GMDS: variants seen among roughly 807,000 people sequenced by gnomAD.
The protein encoded by GMDS is GDP-mannose 4,6-dehydratase.
Under a neutral mutation model 49.9 loss-of-function variants are expected in GMDS, and 20 were observed. That is an observed-to-expected ratio of 0.40 (90% CI 0.28 to 0.58). The LOEUF is 0.58. GMDS is among the 20% of genes least tolerant of loss of function. GMDS has a pLI of 0.42. For missense variants in GMDS, 362 were observed against 481.4 expected (o/e 0.75, Z 2.32); for synonymous variants, 177 against 178.6 (o/e 0.99, Z 0.07).
Position 1,633,856 on chromosome 6 carries a change from G to A in GMDS, c.988-9316C>T, listed in dbSNP as rs967261758. Among the ~76,000 whole-genome samples the A allele has an allele frequency of 3.9e-5, 6 of 152,230 alleles. No homozygotes were observed. The East Asian group carries it at 1.2e-3, about 29-fold the overall frequency. ...TCCCAGCAAAGCCACGTGGTCACAA[G>A]GCTCTGCTGTCTGGTCACAGTGACT... On this transcript the variant is annotated intron_variant, in intron 9 of 10. Coordinates refer to ENST00000380815, the MANE Select transcript of GMDS (RefSeq NM_001500.4).
At chr6:2,058,134 G>A (rs776514060) in intron 4 of GMDS, among the ~76,000 whole-genome samples, 6 of 152,192 alleles carry the variant, frequency 3.9e-5, no homozygotes, top group Non-Finnish European at 8.8e-5. Flanking sequence ...CAAGGCAGGC[G>A]GATCACTTGA....
intron 7 of GMDS, among the ~76,000 whole-genome samples, chr6:1,783,112 G>A (rs574975961): frequency 7.9e-5 from 12 of 152,302 alleles, no homozygotes; most frequent in African/African-American, 1.9e-4. Context: ...CAGAGATCAC[G>A]CCACTGCACT....
At chr6:2,130,818 T>A (rs28371143) in intron 1 of GMDS, among the ~76,000 whole-genome samples, 3 of 133,100 alleles carry the variant, frequency 2.3e-5, no homozygotes, top group East Asian at 2.6e-4. Flanking sequence ...AAGATTAATT[T>A]AAAAAAAAAT....
chr6:2,242,015 T>C (rs1378076966), intron 1 of GMDS, among the ~76,000 whole-genome samples: 3 of 152,120 alleles, frequency 2.0e-5, no homozygotes, highest in Non-Finnish European at 2.9e-5. Flanking sequence ...AGGCTGAAAA[T>C]GAGATTTCTA....
At position 1,833,126 on chromosome 6, in the gene GMDS, CTTTTTTTT is replaced by C. The variant is rs34633662; in HGVS notation, c.772-90548_772-90541del. Among the ~76,000 whole-genome samples the C allele has an allele frequency of 2.4e-5, 3 of 123,392 alleles. No homozygotes were observed. Among genetic ancestry groups the C allele is most frequent in the Non-Finnish European group, 5.0e-5 (3 of 59,580 alleles). The allele number at this position is 123,392 out of a possible 152,430, so 80.9% of individuals were successfully genotyped here. On this transcript the variant is annotated intron_variant, in intron 7 of 10. Coordinates refer to ENST00000380815, the MANE Select transcript of GMDS (RefSeq NM_001500.4). This position sits in a 1 kb window ranked among gnomAD's most constrained non-coding sequence, Gnocchi z 4.4. Reference sequence around the variant, plus strand: ...ACCCGGCAGTGGAGCGTATGAAAGCCTTTTTTTTTTTTTTTTTTTTTTTAAACTAATGC... The same window carrying C: ...ACCCGGCAGTGGAGCGTATGAAAGCCTTTTTTTTTTTTTTTAAACTAATGC...
intron 1 of GMDS, among the ~76,000 whole-genome samples, chr6:2,190,088 C>T (rs922143798): frequency 4.6e-5 from 7 of 152,072 alleles, no homozygotes; most frequent in South Asian, 2.1e-4. Context: ...GCTCAGCCAA[C>T]GGAAAACATT....
At chr6:1,942,369 T>C (rs1448646702) in intron 6 of GMDS, among the ~76,000 whole-genome samples, 1 of 152,180 alleles carries the variant, frequency 6.6e-6, no homozygotes, top group South Asian at 2.1e-4. Flanking sequence ...CCCCAAAGCA[T>C]GCTTTGGTGC....
At chr6:1,728,951 A>G (rs183145249) in intron 8 of GMDS, among the ~76,000 whole-genome samples, 1 of 151,802 alleles carries the variant, frequency 6.6e-6, no homozygotes, top group African/African-American at 2.4e-5. Flanking sequence ...ACAGTAAAAA[A>G]AAAAAACAAA....
chr6:1,695,350 A>C (rs1765302459), intron 9 of GMDS, among the ~76,000 whole-genome samples: 1 of 152,242 alleles, frequency 6.6e-6, no homozygotes, highest in Non-Finnish European at 1.5e-5. Context: ...ATGAAATTCA[A>C]CTACCTTTGA....
intron 7 of GMDS, among the ~76,000 whole-genome samples, chr6:1,795,207 A>G (rs1386021951): frequency 6.6e-6 from 1 of 152,106 alleles, no homozygotes; most frequent in Non-Finnish European, 1.5e-5. Flanking sequence ...CTCAAAAATA[A>G]TAACAATCAT....
Position 1,844,589 on chromosome 6 carries a change from T to C in GMDS, c.771+85514A>G, listed in dbSNP as rs533560512. Among the ~76,000 whole-genome samples the C allele has an allele frequency of 1.4e-4, 22 of 152,304 alleles. No individual in the cohort carries two copies. The South Asian group carries it at 4.3e-3, about 30-fold the overall frequency. On this transcript the variant is annotated intron_variant, in intron 7 of 10. Coordinates refer to ENST00000380815, the MANE Select transcript of GMDS (RefSeq NM_001500.4). ...ATTATCTGAGAAAATATTTCAAAAC[T>C]TTGTAACAAGAAACATTAACAACCT...
intron 4 of GMDS, among the ~76,000 whole-genome samples, chr6:2,015,227 G>T (rs1431800149): frequency 6.6e-6 from 1 of 152,090 alleles, no homozygotes; most frequent in Non-Finnish European, 1.5e-5. Flanking sequence ...GATATTTACT[G>T]ATTACTTCAG....
At chr6:1,764,115 T>C (rs1768261077) in intron 7 of GMDS, among the ~76,000 whole-genome samples, 1 of 152,108 alleles carries the variant, frequency 6.6e-6, no homozygotes, top group African/African-American at 2.4e-5. Context: ...GCTGTTTGTT[T>C]GAAATGATTT....
chr6:2,195,766 G>C (rs1281037386), intron 1 of GMDS, among the ~76,000 whole-genome samples: 1 of 149,732 alleles, frequency 6.7e-6, no homozygotes, highest in East Asian at 1.9e-4. Flanking sequence ...AGGCTGGCTT[G>C]ATACCAGGAG....
chr6:1,939,852 A>G (rs1467649336), intron 6 of GMDS, among the ~76,000 whole-genome samples: 2 of 152,222 alleles, frequency 1.3e-5, no homozygotes, highest in Non-Finnish European at 2.9e-5. Context: ...TTACTTCAAT[A>G]GAGATTTATT....
At chr6:1,900,500 G>A (rs1224372900) in intron 7 of GMDS, among the ~76,000 whole-genome samples, 15 of 152,176 alleles carry the variant, frequency 9.9e-5, no homozygotes, top group Admixed American at 8.5e-4. Flanking sequence ...TAAGTCTGAT[G>A]TCAAATTTCA....
chr6:1,692,099 C>A (rs1408089087), intron 9 of GMDS, among the ~76,000 whole-genome samples: 1 of 152,202 alleles, frequency 6.6e-6, no homozygotes, highest in African/African-American at 2.4e-5. Context: ...CCTCCATCTT[C>A]CTCCCATGCT....
intron 4 of GMDS, among the ~76,000 whole-genome samples, chr6:2,021,793 C>T (rs975246133): frequency 5.3e-5 from 8 of 152,170 alleles, no homozygotes; most frequent in Non-Finnish European, 1.2e-4. Context: ...GGGCTCCAAT[C>T]GCTCTGTAAG....
intron 9 of GMDS, among the ~76,000 whole-genome samples, chr6:1,645,038 C>T (rs143478312): frequency 0.03 from 4,477 of 151,462 alleles, 104 homozygotes; most frequent in Non-Finnish European, 0.032. Context: ...CAGGTTCAAG[C>T]GATTCTCTTG....
Sources: gnomAD v4.1 joint callset for allele counts (sites outside exome capture counted in the v4.1 genomes callset) on GRCh38, gnomAD v4.1.1 for gene constraint, Gnocchi (gnomAD v3.1) non-coding constraint, MANE v1.5 for transcripts, NCBI Gene and HGNC (gene_info 2026-07-23, HGNC 2026-07-21) for gene names.